The following CLASP2 variants were observed in gnomAD, a reference collection of about 807,000 sequenced individuals.
The protein encoded by CLASP2 is CLIP-associating protein 2.
In CLASP2, 47 loss-of-function variants were observed where a neutral mutation model predicts 194.4. The ratio of observed to expected loss-of-function variants is 0.24; its 90% CI spans 0.19 to 0.31. The LOEUF (loss-of-function observed/expected upper bound fraction) is 0.31. CLASP2 is among the 10% of genes least tolerant of loss of function. The pLI is 1.00. For synonymous variants in CLASP2, 619 were observed against 633.5 expected (o/e 0.98, Z 0.34); for missense variants, 1,445 against 1,823.6 (o/e 0.79, Z 3.78).
At chr3:33,653,260 T>G (rs1411013193) in intron 7 of CLASP2, among the ~76,000 whole-genome samples, 2 of 152,114 alleles carry the variant, frequency 1.3e-5, no homozygotes, top group Non-Finnish European at 2.9e-5. Context: ...TCTAATAAAT[T>G]AGACTTGATT....
At chr3:33,649,521 C>CA (rs1394555064) in intron 7 of CLASP2, among the ~76,000 whole-genome samples, 3 of 152,054 alleles carry the variant, frequency 2.0e-5, no homozygotes, top group African/African-American at 4.8e-5. Flanking sequence ...AACAATGATA[C>CA]ACACTAAATA....
At position 33,558,014 on chromosome 3, in the gene CLASP2, A is replaced by G. The variant is rs536764494; in HGVS notation, c.3009+1293T>C. On this transcript the variant is annotated intron_variant, in intron 29 of 38. Transcript: ENST00000682230. ...TTATCTTCACAGGTAGAGGACAACG[A>G]TGAGACTAGAAATCATCCCCCACTC... 4.6e-5 allele frequency among the ~76,000 whole-genome samples: 7 copies of G among 151,926 alleles called. No individual in the cohort carries two copies. In the East Asian group the frequency reaches 1.3e-3, roughly 29 times the overall value.
chr3:33,542,474 T>C (rs1267899130), intron 32 of CLASP2, among the ~76,000 whole-genome samples: 1 of 148,908 alleles, frequency 6.7e-6, no homozygotes, highest in Non-Finnish European at 1.5e-5. Context: ...ATATAATAAA[T>C]ATAAAAACAG....
chr3:33,591,295 G>A (rs906482431), intron 21 of CLASP2, among the ~76,000 whole-genome samples: 20 of 152,216 alleles, frequency 1.3e-4, no homozygotes, highest in African/African-American at 4.8e-4. Context: ...GAAGGAAGAG[G>A]AACAAATGAT....
At chr3:33,525,890 G>A (rs1012847534) in intron 34 of CLASP2, among the ~76,000 whole-genome samples, 18 of 152,176 alleles carry the variant, frequency 1.2e-4, no homozygotes, top group Middle Eastern at 3.2e-3. Context: ...GACAGCCACC[G>A]TTAACGGCAC....
At chr3:33,698,177 A>G (rs1045238991) in intron 1 of CLASP2, among the ~76,000 whole-genome samples, 3 of 152,244 alleles carry the variant, frequency 2.0e-5, no homozygotes, top group African/African-American at 7.2e-5. Context: ...CGTAAGAAAC[A>G]AAAGCTTGAA....
At chr3:33,703,385 G>A (rs1015742518) in intron 1 of CLASP2, among the ~76,000 whole-genome samples, 6 of 152,126 alleles carry the variant, frequency 3.9e-5, no homozygotes, top group Admixed American at 2.6e-4. Context: ...ATTAGGAATT[G>A]CAAATAAAAT....
At chr3:33,632,186 T>C (rs965534870) in intron 9 of CLASP2, 106 bp downstream of exon 9, 12 of 609,482 alleles carry the variant, frequency 2.0e-5, no homozygotes, top group Non-Finnish European at 3.0e-5. Context: ...ATTTCATTTA[T>C]ATAGCTATAT....
At chr3:33,508,805 C>T (rs2154084656) in intron 37 of CLASP2, among the ~76,000 whole-genome samples, 1 of 152,124 alleles carries the variant, frequency 6.6e-6, no homozygotes. Context: ...TCAAAGTTGG[C>T]CAGTTTTTAA....
chr3:33,599,667 T>C (rs1421833379), intron 18 of CLASP2, among the ~76,000 whole-genome samples: 1 of 152,142 alleles, frequency 6.6e-6, no homozygotes. Context: ...CTCCCTCTAA[T>C]TCATACATGT....
intron 8 of CLASP2, among the ~76,000 whole-genome samples, chr3:33,638,427 C>T (rs995619262): frequency 9.2e-5 from 14 of 152,156 alleles, no homozygotes; most frequent in Non-Finnish European, 1.8e-4. Context: ...GCCTCAGCCT[C>T]CCGAATAGCT....
At chr3:33,582,255 T>C (rs557082813) in intron 22 of CLASP2, among the ~76,000 whole-genome samples, 1 of 152,350 alleles carries the variant, frequency 6.6e-6, no homozygotes, top group East Asian at 1.9e-4. Flanking sequence ...CTAACACTTT[T>C]GGTATCTTAG....
Position 33,622,268 on chromosome 3 carries a change from G to A in CLASP2, c.1048C>T (p.Arg350Ter). 1 of 1,478,690 alleles carries A rather than the reference G, an allele frequency of 6.8e-7. No individual in the cohort carries two copies. Among genetic ancestry groups the A allele is most frequent in the South Asian group, 1.5e-5 (1 of 67,908 alleles). 91.6% of individuals were successfully genotyped at this position (1,478,690 alleles called of 1,614,324 possible). ...GCAGCTCCAGCAACAAGCAGTGATCGAATTTTCTTCAGCTGAAATAAAGAA... is the reference window on the plus strand; with the variant it reads ...GCAGCTCCAGCAACAAGCAGTGATCAAATTTTCTTCAGCTGAAATAAAGAA... ...DQRANALKKI[R>*]SLLVAGAAQY... The change falls in exon 11 of 39, where the codon CGA (arginine) becomes TGA (stop). Residue 350 changes from arginine to a stop codon, truncating the protein, a stop_gained. Transcript: ENST00000682230. LOFTEE classifies it high-confidence loss of function.
intron 21 of CLASP2, among the ~76,000 whole-genome samples, chr3:33,590,239 A>T (rs1280900870): frequency 6.6e-6 from 1 of 152,158 alleles, no homozygotes; most frequent in African/African-American, 2.4e-5. Flanking sequence ...TCTCCTCTTC[A>T]TTTTACAGAT....
At chr3:33,586,949 G>C (rs984173349) in intron 21 of CLASP2, among the ~76,000 whole-genome samples, 6 of 152,030 alleles carry the variant, frequency 3.9e-5, no homozygotes, top group African/African-American at 1.5e-4. Flanking sequence ...TAAAGTGAGA[G>C]GTGACTTTTT....
intron 36 of CLASP2, among the ~76,000 whole-genome samples, chr3:33,513,449 T>C (rs2050475052): frequency 6.6e-6 from 1 of 151,990 alleles, no homozygotes; most frequent in Non-Finnish European, 1.5e-5. Context: ...GGAGAACCAG[T>C]TGAACTCAGG....
chr3:33,693,951 T>G (rs1055954832), intron 2 of CLASP2, among the ~76,000 whole-genome samples: 1 of 152,018 alleles, frequency 6.6e-6, no homozygotes, highest in African/African-American at 2.4e-5. Flanking sequence ...TTAATGTAAT[T>G]TATTAAGTAT....
chr3:33,577,132 T>C, intron 23 of CLASP2: 1 of 1,102,532 alleles, frequency 9.1e-7, no homozygotes, highest in Non-Finnish European at 1.3e-6. Flanking sequence ...GAATATTATT[T>C]AATGGAAACT....
intron 33 of CLASP2, among the ~76,000 whole-genome samples, chr3:33,537,440 G>GTT (rs1404044278): frequency 6.6e-6 from 1 of 152,192 alleles, no homozygotes; most frequent in Non-Finnish European, 1.5e-5. Flanking sequence ...ACAATGTTCT[G>GTT]TAACTTTGCA....
Sources: allele counts gnomAD v4.1 joint callset (sites outside exome capture counted in the v4.1 genomes callset), GRCh38; gene constraint gnomAD v4.1.1; transcripts MANE v1.5; gene names NCBI Gene and HGNC (gene_info 2026-07-23, HGNC 2026-07-21).